Variants in CARNMT1 observed in about 807,000 individuals in gnomAD.
CARNMT1 encodes the protein protein-L-histidine N-pros-methyltransferase CARNMT1.
A neutral mutation model predicts 49.6 loss-of-function variants in CARNMT1; 28 were observed. That is an observed-to-expected ratio of 0.56 (90% CI 0.42 to 0.77). CARNMT1 has a LOEUF of 0.77. Ranked by LOEUF, CARNMT1 falls within the 30% of genes least tolerant of loss-of-function variation. The probability of loss-of-function intolerance (pLI) is 0.00; values close to 1 mark genes in which losing one functional copy is unlikely to be tolerated. For synonymous variants in CARNMT1, 178 were observed against 175.0 expected, an observed-to-expected ratio of 1.02 and a Z score of -0.13; for missense variants, 421 against 512.6, an observed-to-expected ratio of 0.82 and a Z score of 1.73.
intron 3 of CARNMT1, among the ~76,000 whole-genome samples, chr9:75,002,843 C>T (rs999473010): frequency 6.6e-5 from 10 of 152,030 alleles, no homozygotes; most frequent in African/African-American, 1.7e-4. Flanking sequence ...CAGGCTCAGA[C>T]GATCCTCCTG....
At chr9:74,988,206 C>T (rs989587489) in intron 6 of CARNMT1, among the ~76,000 whole-genome samples, 5 of 152,038 alleles carry the variant, frequency 3.3e-5, no homozygotes, top group Non-Finnish European at 7.4e-5. Flanking sequence ...CATGCAACAC[C>T]ACACGCAGCT....
In CARNMT1 at chr9:74,983,266, A is replaced by AG. The variant is rs1832733482; in HGVS notation, c.*500dup. On this transcript the variant is annotated 3_prime_UTR_variant, in exon 8 of 8. Coordinates refer to ENST00000376834, the MANE Select transcript of CARNMT1 (RefSeq NM_152420.3). ...TGTCTCTGAAGAAAAAAAAAAAAAA[A>AG]GACATATTTTACGCATAGTTTTCTT... 1 of 151,544 alleles carries AG rather than the reference A, an allele frequency of 6.6e-6. No individual in the cohort carries two copies. The highest frequency in any genetic ancestry group is 1.5e-5 in the Non-Finnish European group (1 of 67,876). The allele number at this position is 151,544 out of a possible 1,614,324, so 9.4% of individuals were successfully genotyped here.
Position 74,999,189 on chromosome 9 carries a change from A to G in CARNMT1, c.732-413T>C, listed in dbSNP as rs73542674. Among the ~76,000 whole-genome samples, 325 of 152,194 alleles carry G rather than the reference A, an allele frequency of 2.1e-3. 2 individuals carry two copies. The highest frequency in any genetic ancestry group is 7.5e-3 in the African/African-American group (310 of 41,534). On this transcript the variant is annotated intron_variant, in intron 4 of 7. Coordinates refer to ENST00000376834, the MANE Select transcript of CARNMT1 (RefSeq NM_152420.3). Reference sequence around the variant, plus strand: ...AACTCATACTGCCATCCGAGACAACATATTATTTAAACAAGGCAGCTACTC... The same window carrying G: ...AACTCATACTGCCATCCGAGACAACGTATTATTTAAACAAGGCAGCTACTC...
At chr9:74,994,855 C>T (rs1398233683) in intron 6 of CARNMT1, among the ~76,000 whole-genome samples, 1 of 152,046 alleles carries the variant, frequency 6.6e-6, no homozygotes, top group African/African-American at 2.4e-5. Context: ...TGTTTTGAGA[C>T]TCCATAATGG....
chr9:75,020,479 G>A (rs1822314998), intron 1 of CARNMT1, among the ~76,000 whole-genome samples: 1 of 151,924 alleles, frequency 6.6e-6, no homozygotes, highest in African/African-American at 2.4e-5. Flanking sequence ...TACTGTCCAG[G>A]ATGGTCTCGA....
intron 3 of CARNMT1, among the ~76,000 whole-genome samples, chr9:75,003,993 A>G (rs1374285886): frequency 1.3e-5 from 2 of 152,226 alleles, no homozygotes; most frequent in Non-Finnish European, 2.9e-5. Context: ...CTCCTGCCTC[A>G]GCCTCCCAAA....
intron 6 of CARNMT1, among the ~76,000 whole-genome samples, chr9:74,993,084 T>C (rs931429132): frequency 6.7e-6 from 1 of 149,310 alleles, no homozygotes; most frequent in South Asian, 2.1e-4. Context: ...CAGTCATTAA[T>C]ACCCATTGTT....
At chr9:74,996,812 C>T (rs1290340254) in intron 5 of CARNMT1, among the ~76,000 whole-genome samples, 1 of 152,156 alleles carries the variant, frequency 6.6e-6, no homozygotes, top group Non-Finnish European at 1.5e-5. Context: ...AATCTAATCT[C>T]TACATATTAT....
At chr9:74,991,516 A>G (rs898306296) in intron 6 of CARNMT1, 1 of 152,162 alleles carries the variant, frequency 6.6e-6, no homozygotes, top group African/African-American at 2.4e-5. Context: ...AGCATTTTCC[A>G]AAGTTTTTAA....
At chr9:75,027,332 A>G (rs1333436032) in intron 1 of CARNMT1, 6 of 836,106 alleles carry the variant, frequency 7.2e-6, no homozygotes, top group South Asian at 5.5e-5. Flanking sequence ...AGATTTGCAG[A>G]AAAAAAGAAC....
In CARNMT1 at chr9:74,984,973, T is replaced by G; in HGVS notation, c.1062A>C (p.Glu354Asp). Residue 354 changes from glutamate (E) to aspartate (D), a missense_variant, in exon 7 of 8, where the codon GAA becomes GAC. Around this residue, in one of 2 missense-constraint regions of CARNMT1, gnomAD observed 235 missense variants for 344.8 expected, o/e 0.68. Transcript: ENST00000376834. ...CCTCATAGCTCAATTCTATGGAAAG[T>G]TCATTTGCCAGATTTTCAAAGTGGT... is the stretch of plus-strand genomic sequence containing the variant. ...LLYHFENLAN[E>D]LSIELSYEDI... The G allele has an allele frequency of 6.2e-7, 1 of 1,613,886 alleles. No homozygotes were observed. The highest frequency in any genetic ancestry group is 1.7e-5 in the Admixed American group (1 of 60,016).
chr9:74,994,130 C>A (rs1421482499), intron 6 of CARNMT1, among the ~76,000 whole-genome samples: 1 of 152,146 alleles, frequency 6.6e-6, no homozygotes, highest in African/African-American at 2.4e-5. Flanking sequence ...CTCATTCACT[C>A]CTTCTCCCTC....
intron 6 of CARNMT1, among the ~76,000 whole-genome samples, chr9:74,986,995 T>C (rs1335253846): frequency 1.3e-5 from 2 of 152,246 alleles, no homozygotes; most frequent in East Asian, 3.8e-4. Flanking sequence ...TTTAGTCTTC[T>C]AATACAATGG....
chr9:75,025,129 TATCAAA>T (rs1822486134), intron 1 of CARNMT1, among the ~76,000 whole-genome samples: 1 of 152,232 alleles, frequency 6.6e-6, no homozygotes, highest in South Asian at 2.1e-4. Flanking sequence ...CTACAGTACA[TATCAAA>T]CAAATCAACT....
At chr9:75,025,398 T>C (rs1263049269) in intron 1 of CARNMT1, among the ~76,000 whole-genome samples, 2 of 152,208 alleles carry the variant, frequency 1.3e-5, no homozygotes, top group African/African-American at 2.4e-5. Context: ...TAGTACAGTA[T>C]CTACTACAGA....
intron 1 of CARNMT1, among the ~76,000 whole-genome samples, chr9:75,019,920 A>C (rs1285079913): frequency 6.6e-6 from 1 of 152,352 alleles, no homozygotes; most frequent in East Asian, 1.9e-4. Flanking sequence ...GGTTACTCCC[A>C]TCACCATCTG....
chr9:74,999,618 A>G (rs1833296542), intron 4 of CARNMT1, 112 bp downstream of exon 4: 1 of 854,806 alleles, frequency 1.2e-6, no homozygotes, highest in South Asian at 2.1e-5. Context: ...TGTGATATAT[A>G]TAATAATCAA....
At chr9:74,994,558 T>C (rs1833130512) in intron 6 of CARNMT1, among the ~76,000 whole-genome samples, 1 of 152,114 alleles carries the variant, frequency 6.6e-6, no homozygotes, top group African/African-American at 2.4e-5. Flanking sequence ...AAGAGAGATG[T>C]TTGGACCAGA....
At chr9:75,001,920 A>T (rs977166934) in intron 3 of CARNMT1, among the ~76,000 whole-genome samples, 4 of 150,918 alleles carry the variant, frequency 2.7e-5, no homozygotes, top group South Asian at 2.1e-4. Flanking sequence ...TTTTTTTTTT[A>T]AAGCCAGAAT....
Sources: allele counts gnomAD v4.1 joint callset (sites outside exome capture counted in the v4.1 genomes callset), GRCh38; gene constraint gnomAD v4.1.1; regional missense constraint gnomAD v4.1.1; transcripts MANE v1.5; gene names NCBI Gene and HGNC (gene_info 2026-07-23, HGNC 2026-07-21).